The following SNRNP40 variants were observed in gnomAD, a reference collection of about 807,000 sequenced individuals.
SNRNP40 encodes the protein U5 small nuclear ribonucleoprotein 40 kDa protein.
In SNRNP40, 21 loss-of-function variants were observed where a neutral mutation model predicts 45.8. The observed-to-expected ratio is 0.46, with a 90% confidence interval of 0.32 to 0.66. SNRNP40 has a LOEUF of 0.66. SNRNP40 is among the 30% of genes least tolerant of loss of function. The pLI is 0.03. For missense variants in SNRNP40, 344 were observed against 439.1 expected (o/e 0.78, Z 1.94); for synonymous variants, 142 against 163.8 (o/e 0.87, Z 1.01).
At position 31,281,452 on chromosome 1, in the gene SNRNP40, G is replaced by T; in HGVS notation, c.576C>A (p.Asn192Lys). The change falls in exon 5 of 10, where the codon AAC becomes AAA. Residue 192 changes from asparagine (N) to lysine (K), a missense_variant. Around this residue, in one of 2 missense-constraint regions of SNRNP40, gnomAD observed 254 missense variants for 380.2 expected, o/e 0.67. Coordinates refer to ENST00000263694, the MANE Select transcript of SNRNP40 (RefSeq NM_004814.3). The part of the protein sequence containing the change: ...RKKAAIQTFQ[N>K]TYQVLAVTFN... ...AGGTCACAGCTAACACCTGGTACGTGTTCTGAAATGTCTGGATGGCTGCTT... is the reference window on the plus strand; with the variant it reads ...AGGTCACAGCTAACACCTGGTACGTTTTCTGAAATGTCTGGATGGCTGCTT... 1 of 1,609,542 alleles carries T rather than the reference G, an allele frequency of 6.2e-7. No individual in the cohort carries two copies. Among genetic ancestry groups the T allele is most frequent in the Non-Finnish European group, 8.5e-7 (1 of 1,176,100 alleles).
At chr1:31,292,256 G>A (rs1646112762) in intron 2 of SNRNP40, among the ~76,000 whole-genome samples, 1 of 152,024 alleles carries the variant, frequency 6.6e-6, no homozygotes, top group African/African-American at 2.4e-5. Flanking sequence ...CCAGCTCTTG[G>A]GAGACTGAGG....
At chr1:31,288,429 C>A (rs1054389051) in intron 4 of SNRNP40, among the ~76,000 whole-genome samples, 1 of 152,138 alleles carries the variant, frequency 6.6e-6, no homozygotes, top group African/African-American at 2.4e-5. Flanking sequence ...AGATCAGTGG[C>A]TCCCAGAATG....
intron 6 of SNRNP40, among the ~76,000 whole-genome samples, chr1:31,271,029 A>G (rs1175278297): frequency 6.6e-6 from 1 of 152,184 alleles, no homozygotes; most frequent in Non-Finnish European, 1.5e-5. Context: ...CTCTCTGAAA[A>G]CGCACAAGAA....
Position 31,281,499 on chromosome 1 carries a change from G to A in SNRNP40, c.532-3C>T. On this transcript the variant is annotated splice_polypyrimidine_tract_variant and splice_region_variant and intron_variant, in intron 4 of 9. Coordinates refer to ENST00000263694, the MANE Select transcript of SNRNP40 (RefSeq NM_004814.3). ...GCTTTCTTCCGGATGTCCCAAAGCT[G>A]AAGCAAAGGACAAGACAGTCTATCA... 1 of 1,601,192 alleles carries A rather than the reference G, an allele frequency of 6.2e-7. No individual in the cohort carries two copies. Among genetic ancestry groups the A allele is most frequent in the Non-Finnish European group, 8.6e-7 (1 of 1,169,388 alleles).
intron 1 of SNRNP40, among the ~76,000 whole-genome samples, chr1:31,294,411 T>A (rs1490409590): frequency 6.6e-6 from 1 of 152,134 alleles, no homozygotes; most frequent in Non-Finnish European, 1.5e-5. Context: ...ATACTACCCA[T>A]AATCCCCAAA....
Position 31,289,356 on chromosome 1 carries a change from CCT to C in SNRNP40, c.427_428del (p.Arg143GlyfsTer2). On this transcript the variant is annotated frameshift_variant, in exon 4 of 10. Transcript: ENST00000263694. LOFTEE classifies it high-confidence loss of function. Reference protein sequence around the residue: ...VAVWDSETGERVKRLKGHTSF... With the variant: ...VAVWDSETGEXVKRLKGHTSF... Reference sequence around the variant, plus strand: ...AAGTATGTCCCTTTAGCCTTTTAACCCTCTCACCTGTTTCACTATCCCACACA... The same window carrying C: ...AAGTATGTCCCTTTAGCCTTTTAACCCTCACCTGTTTCACTATCCCACACA... 1 of 1,614,080 alleles carries C rather than the reference CCT, an allele frequency of 6.2e-7. No homozygotes were observed. Among genetic ancestry groups the C allele is most frequent in the African/African-American group, 1.3e-5 (1 of 75,034 alleles).
chr1:31,270,221 CAACA>C (rs1189997763), intron 6 of SNRNP40, among the ~76,000 whole-genome samples: 1 of 152,108 alleles, frequency 6.6e-6, no homozygotes, highest in Non-Finnish European at 1.5e-5. Flanking sequence ...AATTTGTAGG[CAACA>C]AACAAAAATA....
At chr1:31,289,880 AT>A (rs926580961) in intron 3 of SNRNP40, among the ~76,000 whole-genome samples, 4 of 148,134 alleles carry the variant, frequency 2.7e-5, no homozygotes, top group African/African-American at 2.5e-5. Flanking sequence ...TCTTTCTTTC[AT>A]TTTTTTTTTG....
At chr1:31,288,188 C>T (rs992582492) in intron 4 of SNRNP40, among the ~76,000 whole-genome samples, 5 of 150,982 alleles carry the variant, frequency 3.3e-5, no homozygotes, top group Admixed American at 6.6e-5. Context: ...AAAGCAAATT[C>T]ATTAATTCAT....
chr1:31,295,789 T>C (rs962921773), intron 1 of SNRNP40, among the ~76,000 whole-genome samples: 1 of 152,228 alleles, frequency 6.6e-6, no homozygotes, highest in South Asian at 2.1e-4. Flanking sequence ...AGGGTCCCAC[T>C]ACAAAAATGC....
chr1:31,269,888 T>G (rs1645924963), intron 6 of SNRNP40, among the ~76,000 whole-genome samples: 1 of 152,204 alleles, frequency 6.6e-6, no homozygotes, highest in Non-Finnish European at 1.5e-5. Flanking sequence ...ATCTGTCTTC[T>G]TTTTAAAATA....
At chr1:31,277,375 TATAC>T (rs1274446294) in intron 5 of SNRNP40, among the ~76,000 whole-genome samples, 2 of 152,254 alleles carry the variant, frequency 1.3e-5, no homozygotes. Flanking sequence ...TGCACTTTAA[TATAC>T]AAAGTATCAC....
In SNRNP40 at chr1:31,283,245, C is replaced by T. The variant is rs143027586; in HGVS notation, c.532-1749G>A. On this transcript the variant is annotated intron_variant, in intron 4 of 9. Coordinates refer to ENST00000263694, the MANE Select transcript of SNRNP40 (RefSeq NM_004814.3). ...ATTCACTAGCTGACCACTAAGCTAA[C>T]GAAAAAAAGAATTCAGTGGTCACAC... 3.3e-3 allele frequency among the ~76,000 whole-genome samples: 504 copies of T among 151,986 alleles called. 2 individuals are homozygous for T. The highest frequency in any genetic ancestry group is 0.011 in the African/African-American group (469 of 41,460).
chr1:31,283,392 C>G (rs984251791), intron 4 of SNRNP40, among the ~76,000 whole-genome samples: 39 of 152,178 alleles, frequency 2.6e-4, no homozygotes, highest in African/African-American at 8.2e-4. Context: ...CACTTGAGGT[C>G]AGGAGTTCAA....
At chr1:31,293,117 G>A in intron 2 of SNRNP40, 102 bp downstream of exon 2, 1 of 1,292,398 alleles carries the variant, frequency 7.7e-7, no homozygotes, top group Non-Finnish European at 1.1e-6. Flanking sequence ...AGCCTGTTAT[G>A]TTGCCAACAT....
At chr1:31,272,071 C>T (rs1013339109) in intron 5 of SNRNP40, among the ~76,000 whole-genome samples, 2 of 151,706 alleles carry the variant, frequency 1.3e-5, no homozygotes, top group Non-Finnish European at 2.9e-5. Flanking sequence ...CAAATCATAG[C>T]AAAGAAAAAC....
chr1:31,268,077 T>C, intron 7 of SNRNP40, 145 bp from the exon 8 acceptor site: 1 of 571,248 alleles, frequency 1.8e-6, no homozygotes, highest in Non-Finnish European at 3.1e-6. Flanking sequence ...TTATATTCTA[T>C]GGCCCAAAAC....
chr1:31,291,765 C>T (rs558434466), intron 3 of SNRNP40, 148 bp downstream of exon 3: 15 of 612,638 alleles, frequency 2.4e-5, no homozygotes, highest in Middle Eastern at 4.4e-4. Context: ...AAACACCTCA[C>T]TTGGGGTGAC....
chr1:31,285,245 T>C (rs1482483505), intron 4 of SNRNP40, among the ~76,000 whole-genome samples: 1 of 151,022 alleles, frequency 6.6e-6, no homozygotes. Context: ...TTATCACCTT[T>C]TTTTTTTTTT....
Sources: gnomAD v4.1 joint callset for allele counts (sites outside exome capture counted in the v4.1 genomes callset) on GRCh38, gnomAD v4.1.1 for gene constraint, gnomAD v4.1.1 regional missense constraint, MANE v1.5 for transcripts, NCBI Gene and HGNC (gene_info 2026-07-23, HGNC 2026-07-21) for gene names.